Variants in TPD52 observed in about 807,000 individuals in gnomAD.
TPD52 encodes the protein tumor protein D52, also known as prostate and colon associated protein.
Under a neutral mutation model 31.3 loss-of-function variants are expected in TPD52, and 17 were observed. The observed-to-expected ratio is 0.54, with a 90% CI of 0.37 to 0.82. The LOEUF (loss-of-function observed/expected upper bound fraction) is 0.82. Ranked by LOEUF, TPD52 falls within the 40% of genes least tolerant of loss-of-function variation. The pLI is 0.00. For missense variants in TPD52, 212 were observed against 240.1 expected (o/e 0.88, Z 0.77); for synonymous variants, 83 against 89.6 (o/e 0.93, Z 0.42).
At chr8:80,113,598 AT>A (rs2130991662) in intron 1 of TPD52, among the ~76,000 whole-genome samples, 1 of 152,346 alleles carries the variant, frequency 6.6e-6, no homozygotes, top group African/African-American at 2.4e-5. Context: ...CTATGCTGCC[AT>A]AAAAAAGAAT....
chr8:80,161,817 C>T (rs1331461300), intron 1 of TPD52, among the ~76,000 whole-genome samples: 1 of 151,594 alleles, frequency 6.6e-6, no homozygotes, highest in Non-Finnish European at 1.5e-5. Context: ...GCAACCTCCA[C>T]CTCCTGGGTT....
chr8:80,110,944 G>A (rs1024066687), intron 1 of TPD52, among the ~76,000 whole-genome samples: 4 of 152,164 alleles, frequency 2.6e-5, no homozygotes, highest in Admixed American at 2.0e-4. Context: ...GGGGACTCAC[G>A]CCTGTAATTC....
chr8:80,156,198 G>A (rs1367974954), intron 1 of TPD52, among the ~76,000 whole-genome samples: 1 of 152,162 alleles, frequency 6.6e-6, no homozygotes, highest in Non-Finnish European at 1.5e-5. Flanking sequence ...ACTGACACCA[G>A]GAAGACCTAG....
chr8:80,167,997 C>A (rs1468453453), intron 1 of TPD52, among the ~76,000 whole-genome samples: 3 of 152,302 alleles, frequency 2.0e-5, no homozygotes, highest in South Asian at 2.1e-4. Context: ...CTCTAGTTAG[C>A]AACACTGCTC....
chr8:80,115,046 A>C (rs1807768306), intron 1 of TPD52, among the ~76,000 whole-genome samples: 1 of 152,244 alleles, frequency 6.6e-6, no homozygotes, highest in Admixed American at 6.5e-5. Flanking sequence ...ACATTTTACA[A>C]GTCAGACAAT....
At chr8:80,167,398 A>G (rs1811786829) in intron 1 of TPD52, among the ~76,000 whole-genome samples, 1 of 152,206 alleles carries the variant, frequency 6.6e-6, no homozygotes, top group East Asian at 1.9e-4. Flanking sequence ...ACATGCATAC[A>G]TTATTCTGTT....
intron 1 of TPD52, chr8:80,170,972 A>T (rs976052492): frequency 8.2e-6 from 3 of 364,542 alleles, no homozygotes; most frequent in African/African-American, 6.4e-5. Context: ...ACCTGAACTT[A>T]GAAGAAGGCA....
At chr8:80,063,447 T>C (rs1349596144) in intron 2 of TPD52, among the ~76,000 whole-genome samples, 2 of 151,884 alleles carry the variant, frequency 1.3e-5, no homozygotes, top group Non-Finnish European at 2.9e-5. Flanking sequence ...TCTTTGGAGG[T>C]GAAGAAAATG....
At chr8:80,154,375 G>A (rs1021303677) in intron 1 of TPD52, among the ~76,000 whole-genome samples, 1 of 152,276 alleles carries the variant, frequency 6.6e-6, no homozygotes, top group African/African-American at 2.4e-5. Flanking sequence ...CCTCCCTGGT[G>A]GCCAATGTGC....
At chr8:80,102,253 T>C (rs1806797690) in intron 1 of TPD52, among the ~76,000 whole-genome samples, 1 of 152,214 alleles carries the variant, frequency 6.6e-6, no homozygotes, top group Admixed American at 6.5e-5. Flanking sequence ...TCCAAAGGCT[T>C]GCTTCCAAGC....
rs1441312896 is a variant in TPD52, at chr8:80,035,024, G to T, written c.*3092C>A. ...GAAATTATGAAATCTAAGATGTGCA[G>T]GTTTACTTAAAAGTGATAATGGTTT... On this transcript the variant is annotated 3_prime_UTR_variant, in exon 8 of 8. Coordinates refer to ENST00000518937, the MANE Select transcript of TPD52 (RefSeq NM_001025253.3). 2.0e-5 allele frequency: 3 copies of T among 152,170 alleles called. No homozygotes were observed. The highest frequency in any genetic ancestry group is 7.2e-5 in the African/African-American group (3 of 41,426). The allele number at this position is 152,170 out of a possible 1,614,324, so 9.4% of individuals were successfully genotyped here. A position where few individuals can be genotyped will look rare whatever the true frequency, so the allele number is the denominator to read the frequency against.
chr8:80,136,584 C>T (rs1393899703), intron 1 of TPD52, among the ~76,000 whole-genome samples: 1 of 137,448 alleles, frequency 7.3e-6, no homozygotes, highest in Non-Finnish European at 1.6e-5. Context: ...ACATGAAGGA[C>T]ATTTTGGTCT....
At chr8:80,041,529 TAG>T (rs1188270472) in intron 7 of TPD52, among the ~76,000 whole-genome samples, 1 of 152,114 alleles carries the variant, frequency 6.6e-6, no homozygotes, top group Admixed American at 6.5e-5. Flanking sequence ...ACAAACTCCG[TAG>T]AGAGGGTCGA....
chr8:80,162,227 A>G (rs1333377321), intron 1 of TPD52, among the ~76,000 whole-genome samples: 1 of 152,180 alleles, frequency 6.6e-6, no homozygotes, highest in Non-Finnish European at 1.5e-5. Flanking sequence ...ATTACCCCCA[A>G]AATGTCACCT....
At chr8:80,106,557 C>T (rs932420890) in intron 1 of TPD52, among the ~76,000 whole-genome samples, 1 of 151,826 alleles carries the variant, frequency 6.6e-6, no homozygotes, top group Non-Finnish European at 1.5e-5. Flanking sequence ...GGGGTTTCAC[C>T]GTGTTAGCCA....
At chr8:80,053,182 G>T in intron 3 of TPD52, 100 bp downstream of exon 3, 3 of 1,325,844 alleles carry the variant, frequency 2.3e-6, no homozygotes, top group Non-Finnish European at 3.0e-6. Context: ...AAGAAAAGCT[G>T]CTGAAGCATC....
chr8:80,085,853 C>A (rs1815708234), intron 1 of TPD52, among the ~76,000 whole-genome samples: 1 of 152,086 alleles, frequency 6.6e-6, no homozygotes, highest in Non-Finnish European at 1.5e-5. Context: ...GAAGGAAAAA[C>A]ATTGAGTGGA....
downstream of TPD52, among the ~76,000 whole-genome samples, chr8:80,033,563 G>C (rs1212137177): frequency 6.6e-6 from 1 of 152,134 alleles, no homozygotes; most frequent in Non-Finnish European, 1.5e-5. Flanking sequence ...CTGCAGTCTG[G>C]GAGCGTGTCA....
intron 1 of TPD52, chr8:80,080,627 C>A: frequency 7.4e-7 from 1 of 1,357,790 alleles, no homozygotes; most frequent in South Asian, 2.1e-5. Flanking sequence ...TGGGAGCCTT[C>A]ACGCCCCTCC....
Sources: allele counts gnomAD v4.1 joint callset (sites outside exome capture counted in the v4.1 genomes callset), GRCh38; gene constraint gnomAD v4.1.1; transcripts MANE v1.5; gene names NCBI Gene and HGNC (gene_info 2026-07-23, HGNC 2026-07-21).